The following FOXK1 variants were observed in gnomAD, a reference collection of about 807,000 sequenced individuals.
FOXK1 encodes the protein forkhead box protein K1.
A neutral mutation model predicts 51.9 loss-of-function variants in FOXK1; 19 were observed. The observed-to-expected ratio is 0.37, with a 90% CI of 0.26 to 0.54. The LOEUF is 0.54. FOXK1 is among the 20% of genes least tolerant of loss of function. The pLI is 0.87. For synonymous variants in FOXK1, 537 were observed against 482.6 expected, an observed-to-expected ratio of 1.11 and a Z score of -1.48; for missense variants, 870 against 1,032.7, an observed-to-expected ratio of 0.84 and a Z score of 2.16.
At chr7:4,724,052 A>G (rs973659856) in intron 1 of FOXK1, among the ~76,000 whole-genome samples, 1 of 152,134 alleles carries the variant, frequency 6.6e-6, no homozygotes, top group Non-Finnish European at 1.5e-5. Flanking sequence ...TGGATTATTA[A>G]GTTGTGTGAG....
rs532212059 is a variant in FOXK1 at position 4,754,097 on chromosome 7, G to A, written c.747-362G>A. Among the ~76,000 whole-genome samples the A allele has an allele frequency of 1.2e-3, 187 of 152,290 alleles. 1 individual carries two copies. Among genetic ancestry groups the A allele is most frequent in the African/African-American group, 4.1e-3 (170 of 41,572 alleles). On this transcript the variant is annotated intron_variant, in intron 2 of 8. Coordinates refer to ENST00000328914, the MANE Select transcript of FOXK1 (RefSeq NM_001037165.2). ...ACACCTGTGCAGGAGCCAGCAGCCC[G>A]CGGAGGCTACCTGCTCCGGGTGCAC...
rs1378673095 is a variant in FOXK1 at position 4,723,409 on chromosome 7, C to T, written c.561-17429C>T. On this transcript the variant is annotated intron_variant, in intron 1 of 8. Transcript: ENST00000328914. This position sits in a 1 kb window ranked among gnomAD's most constrained non-coding sequence, Gnocchi z 4.7. ...TGTGGGGTTTTTTTTTTGGACGTTC[C>T]CAGCTGACTAAATTTGCCTTCTTCC... Among the ~76,000 whole-genome samples the T allele has an allele frequency of 6.6e-6, 1 of 151,866 alleles. No homozygotes were observed. Among genetic ancestry groups the T allele is most frequent in the East Asian group, 1.9e-4 (1 of 5,172 alleles).
rs777244482 is a variant in FOXK1, at chr7:4,761,303, C to T, written c.1921+15C>T. 3 of 1,606,254 alleles carry T rather than the reference C, an allele frequency of 1.9e-6. No homozygotes were observed. The highest frequency in any genetic ancestry group is 2.5e-6 in the Non-Finnish European group (3 of 1,177,466). On this transcript the variant is annotated intron_variant, in intron 8 of 8. Transcript: ENST00000328914. The surrounding 1 kb of genome is among the most constrained non-coding windows in gnomAD (Gnocchi z 6.2). ...CAACGCTTACGGTGAGGCCCTGGCC[C>T]TGTTCTCCATGCCACATCCCAAGCT...
Position 4,762,075 on chromosome 7 carries a change from A to C in FOXK1, c.1922-109A>C, listed in dbSNP as rs1401977161. Reference sequence around the variant, plus strand: ...TAGCCGTCCTGCCTGGCAGGGGTGCACTGACCTCCGGTTCCGGCTTGGTGG... The same window carrying C: ...TAGCCGTCCTGCCTGGCAGGGGTGCCCTGACCTCCGGTTCCGGCTTGGTGG... On this transcript the variant is annotated intron_variant, in intron 8 of 8. Coordinates refer to ENST00000328914, the MANE Select transcript of FOXK1 (RefSeq NM_001037165.2). This position sits in a 1 kb window ranked among gnomAD's most constrained non-coding sequence, Gnocchi z 5.7. 4.5e-6 allele frequency: 6 copies of C among 1,328,892 alleles called. No individual in the cohort carries two copies. Among genetic ancestry groups the C allele is most frequent in the Non-Finnish European group, 6.1e-6 (6 of 978,544 alleles). 82.3% of individuals were successfully genotyped at this position (1,328,892 alleles called of 1,614,324 possible). A position where few individuals can be genotyped will look rare whatever the true frequency, so the allele number is the denominator to read the frequency against.
intron 1 of FOXK1, among the ~76,000 whole-genome samples, chr7:4,691,491 C>T (rs781031839): frequency 1.3e-5 from 2 of 152,118 alleles, no homozygotes; most frequent in East Asian, 1.9e-4. Flanking sequence ...CCTGCCACCA[C>T]GCCCAGCTAA....
intron 1 of FOXK1, among the ~76,000 whole-genome samples, chr7:4,737,687 C>T (rs1024330892): frequency 2.2e-4 from 34 of 152,184 alleles, no homozygotes; most frequent in African/African-American, 6.0e-4. Context: ...TGGCCCCAAA[C>T]CTCTTTCCTT....
At position 4,720,381 on chromosome 7, in the gene FOXK1, T is replaced by C. The variant is rs188485556; in HGVS notation, c.561-20457T>C. ...AGTGTGTCCCTGAGACTCTTAAGAT[T>C]TGATTTTCAGCCTCTTTTTCTCTGT... On this transcript the variant is annotated intron_variant, in intron 1 of 8. Transcript: ENST00000328914. 2.3e-3 allele frequency among the ~76,000 whole-genome samples: 347 copies of C among 152,352 alleles called. 1 individual carries two copies. The highest frequency in any genetic ancestry group is 3.7e-3 in the Non-Finnish European group (253 of 68,026).
intron 1 of FOXK1, among the ~76,000 whole-genome samples, chr7:4,696,810 G>C (rs1355581707): frequency 6.6e-6 from 1 of 152,232 alleles, no homozygotes; most frequent in Non-Finnish European, 1.5e-5. Flanking sequence ...GCTCACGCCT[G>C]TAATCCTAAC....
At chr7:4,718,633 C>T (rs1052527465) in intron 1 of FOXK1, among the ~76,000 whole-genome samples, 1 of 152,180 alleles carries the variant, frequency 6.6e-6, no homozygotes, top group Non-Finnish European at 1.5e-5. Flanking sequence ...GTGCCTAAGG[C>T]CTGTCCTTGG....
chr7:4,731,951 G>A lies in FOXK1; in HGVS notation c.561-8887G>A, dbSNP rs1056809847. 1.6e-4 allele frequency among the ~76,000 whole-genome samples: 25 copies of A among 152,160 alleles called. No homozygotes were observed. Among genetic ancestry groups the A allele is most frequent in the Non-Finnish European group, 1.8e-4 (12 of 68,028 alleles). On this transcript the variant is annotated intron_variant, in intron 1 of 8. Transcript: ENST00000328914. This position sits in a 1 kb window ranked among gnomAD's most constrained non-coding sequence, Gnocchi z 5.3. ...ACGGCATGGAGACCTGAGGCCACAC[G>A]GAGGCCGGGCTGGCCAGGGCGGGGC...
chr7:4,748,194 C>T lies in FOXK1; in HGVS notation c.747-6265C>T, dbSNP rs185630481. Reference sequence around the variant, plus strand: ...GCAAACATTTCAGAAAGTGAAAATTCCCCCACACAACGCTCCCCAGAGCTG... The same window carrying T: ...GCAAACATTTCAGAAAGTGAAAATTTCCCCACACAACGCTCCCCAGAGCTG... On this transcript the variant is annotated intron_variant, in intron 2 of 8. Coordinates refer to ENST00000328914, the MANE Select transcript of FOXK1 (RefSeq NM_001037165.2). The surrounding 1 kb of genome is among the most constrained non-coding windows in gnomAD (Gnocchi z 4.9). Among the ~76,000 whole-genome samples, 7 of 152,152 alleles carry T rather than the reference C, an allele frequency of 4.6e-5. No homozygotes were observed. The highest frequency in any genetic ancestry group is 7.4e-5 in the Non-Finnish European group (5 of 68,020).
In FOXK1 at chr7:4,715,203, C is replaced by T. The variant is rs960338289; in HGVS notation, c.561-25635C>T. 3.3e-5 allele frequency among the ~76,000 whole-genome samples: 5 copies of T among 151,910 alleles called. No individual in the cohort carries two copies. The highest frequency in any genetic ancestry group is 1.3e-4 in the Admixed American group (2 of 15,236). ...GGGGCACGGTGGAACTGTGGCGATA[C>T]GGGGCACGGTGGAACTGTGATGATA... On this transcript the variant is annotated intron_variant, in intron 1 of 8. Coordinates refer to ENST00000328914, the MANE Select transcript of FOXK1 (RefSeq NM_001037165.2). This position sits in a 1 kb window ranked among gnomAD's most constrained non-coding sequence, Gnocchi z 4.5.
chr7:4,745,055 T>C lies in FOXK1; in HGVS notation c.746+4032T>C, dbSNP rs1780684097. Among the ~76,000 whole-genome samples the C allele has an allele frequency of 6.6e-6, 1 of 152,222 alleles. No homozygotes were observed. Among genetic ancestry groups the C allele is most frequent in the South Asian group, 2.1e-4 (1 of 4,834 alleles). On this transcript the variant is annotated intron_variant, in intron 2 of 8. Coordinates refer to ENST00000328914, the MANE Select transcript of FOXK1 (RefSeq NM_001037165.2). This position sits in a 1 kb window ranked among gnomAD's most constrained non-coding sequence, Gnocchi z 4.3. ...TGCTGTAGGGTGGAGCCGGCGTGTT[T>C]ACAAACACTCCCTGCCCTTCCCTGC... is the stretch of plus-strand genomic sequence containing the variant.
rs1241960715 is a variant in FOXK1 at position 4,733,019 on chromosome 7, A to G, written c.561-7819A>G. 3.9e-5 allele frequency among the ~76,000 whole-genome samples: 6 copies of G among 152,120 alleles called. No individual in the cohort carries two copies. In the East Asian group the frequency reaches 1.2e-3, roughly 29 times the overall value. On this transcript the variant is annotated intron_variant, in intron 1 of 8. Transcript: ENST00000328914. The surrounding 1 kb of genome is among the most constrained non-coding windows in gnomAD (Gnocchi z 5.0). ...GTTCTCCTGGGAACTTTCTCCTGAG[A>G]GCCCTGGCTCTCTCCTGCACAGCTC...
At chr7:4,706,062 AT>A (rs1780098377) in intron 1 of FOXK1, among the ~76,000 whole-genome samples, 1 of 136,824 alleles carries the variant, frequency 7.3e-6, no homozygotes, top group African/African-American at 3.0e-5. Context: ...ATGTATATAT[AT>A]GTGTATATAT....
chr7:4,697,772 TGTG>T, intron 1 of FOXK1, among the ~76,000 whole-genome samples: 1 of 151,804 alleles, frequency 6.6e-6, no homozygotes, highest in South Asian at 2.1e-4. Flanking sequence ...TGTGTGTGTG[TGTG>T]TGTGTGTGTG....
At chr7:4,719,698 T>TC (rs34083937) in intron 1 of FOXK1, among the ~76,000 whole-genome samples, 38,773 of 151,704 alleles carry the variant, frequency 0.26, 5,675 homozygotes, top group Non-Finnish European at 0.35. Context: ...GCCAGGCTGG[T>TC]CTCGAACTCC....
In FOXK1 at chr7:4,735,876, A is replaced by G. The variant is rs10257680; in HGVS notation, c.561-4962A>G. Among the ~76,000 whole-genome samples, 104,631 of 152,130 alleles carry G rather than the reference A, an allele frequency of 0.69. 37,234 individuals carry two copies. The highest frequency in any genetic ancestry group is 0.86 in the African/African-American group (35,535 of 41,520). Reference sequence around the variant, plus strand: ...GAAACATCTATTTAAAAATCAAGCCAGGTGCAGCGGCTCACACCTGTAATC... The same window carrying G: ...GAAACATCTATTTAAAAATCAAGCCGGGTGCAGCGGCTCACACCTGTAATC... On this transcript the variant is annotated intron_variant, in intron 1 of 8. Coordinates refer to ENST00000328914, the MANE Select transcript of FOXK1 (RefSeq NM_001037165.2). The surrounding 1 kb of genome is among the most constrained non-coding windows in gnomAD (Gnocchi z 4.7).
chr7:4,708,274 C>T (rs1583188662), intron 1 of FOXK1, among the ~76,000 whole-genome samples: 1 of 152,124 alleles, frequency 6.6e-6, no homozygotes, highest in African/African-American at 2.4e-5. Flanking sequence ...AAAAATGAGT[C>T]CCCGATGCTT....
Sources: allele counts gnomAD v4.1 joint callset (sites outside exome capture counted in the v4.1 genomes callset), GRCh38; gene constraint gnomAD v4.1.1; non-coding constraint Gnocchi (gnomAD v3.1); transcripts MANE v1.5; gene names NCBI Gene and HGNC (gene_info 2026-07-23, HGNC 2026-07-21).